Variants in TDRD5 observed in about 807,000 individuals in gnomAD.
The protein encoded by TDRD5 is tudor domain-containing protein 5.
Under a neutral mutation model 120.6 loss-of-function variants are expected in TDRD5, and 41 were observed. The ratio of observed to expected loss-of-function variants is 0.34; its 90% CI spans 0.26 to 0.44. The LOEUF is 0.44. Among genes scored for constraint, TDRD5 ranks in the 20% least tolerant of loss-of-function variants. TDRD5 has a pLI of 1.00. For missense variants in TDRD5, 1,006 were observed against 1,221.2 expected (o/e 0.82, Z 2.63); for synonymous variants, 430 against 433.7 (o/e 0.99, Z 0.11).
chr1:179,676,169 A>G (rs1407595714), intron 17 of TDRD5, among the ~76,000 whole-genome samples: 3 of 151,526 alleles, frequency 2.0e-5, no homozygotes, highest in Admixed American at 1.3e-4. Flanking sequence ...AAGAATAGCT[A>G]CTCCTGCTAG....
At chr1:179,630,576 C>T (rs1384874154) in intron 6 of TDRD5, among the ~76,000 whole-genome samples, 191 bp from the exon 7 acceptor site, 1 of 151,902 alleles carries the variant, frequency 6.6e-6, no homozygotes, top group Non-Finnish European at 1.5e-5. Flanking sequence ...TGACATTGAC[C>T]CAGAAGTTTT....
At chr1:179,688,709 C>G (rs1241630773) in intron 17 of TDRD5, among the ~76,000 whole-genome samples, 6 of 152,202 alleles carry the variant, frequency 3.9e-5, no homozygotes, top group African/African-American at 1.4e-4. Context: ...GGTCTTTTCA[C>G]ATAGTCCCAT....
intron 17 of TDRD5, among the ~76,000 whole-genome samples, chr1:179,689,836 G>A (rs921667816): frequency 1.4e-4 from 22 of 152,188 alleles, no homozygotes; most frequent in Non-Finnish European, 2.4e-4. Flanking sequence ...CTCCGTGGGC[G>A]TGGGACCCTC....
intron 6 of TDRD5, 141 bp downstream of exon 6, chr1:179,621,232 T>A: frequency 1.6e-6 from 1 of 610,980 alleles, no homozygotes; most frequent in East Asian, 3.1e-5. Context: ...TAGTATATTA[T>A]AAGACTTGAG....
chr1:179,672,517 G>A (rs1460323175), intron 17 of TDRD5, among the ~76,000 whole-genome samples: 2 of 152,126 alleles, frequency 1.3e-5, no homozygotes, highest in Non-Finnish European at 1.5e-5. Context: ...TGTATAGATT[G>A]TGAAGATTTT....
intron 13 of TDRD5, among the ~76,000 whole-genome samples, chr1:179,653,892 G>A (rs1207932555): frequency 6.6e-6 from 1 of 152,128 alleles, no homozygotes; most frequent in East Asian, 1.9e-4. Context: ...TATGATGGTT[G>A]TACTTGGAAG....
chr1:179,627,402 A>T (rs1441019931), intron 6 of TDRD5, among the ~76,000 whole-genome samples: 1 of 152,224 alleles, frequency 6.6e-6, no homozygotes, highest in Non-Finnish European at 1.5e-5. Context: ...ATGTAGACAA[A>T]GTACAGTTAC....
At chr1:179,610,127 C>G (rs1399735599) in intron 4 of TDRD5, among the ~76,000 whole-genome samples, 3 of 152,088 alleles carry the variant, frequency 2.0e-5, no homozygotes, top group Non-Finnish European at 2.9e-5. Flanking sequence ...TCCCAATTTT[C>G]TAGTTATTTA....
At chr1:179,686,385 G>A (rs1328705890) in intron 17 of TDRD5, among the ~76,000 whole-genome samples, 1 of 152,188 alleles carries the variant, frequency 6.6e-6, no homozygotes, top group African/African-American at 2.4e-5. Flanking sequence ...GCATTCCAGG[G>A]ATGAAGCCCA....
intron 11 of TDRD5, among the ~76,000 whole-genome samples, chr1:179,643,225 G>T (rs1400481351): frequency 6.6e-6 from 1 of 152,072 alleles, no homozygotes; most frequent in Non-Finnish European, 1.5e-5. Context: ...AGTTTTAACT[G>T]CCAGTTAAAA....
chr1:179,629,507 A>T (rs1384376220), intron 6 of TDRD5, among the ~76,000 whole-genome samples: 1 of 152,220 alleles, frequency 6.6e-6, no homozygotes, highest in Non-Finnish European at 1.5e-5. Context: ...ACAACAAAAA[A>T]GTCTCTTTAG....
intron 17 of TDRD5, among the ~76,000 whole-genome samples, chr1:179,672,133 C>G (rs1466303068): frequency 1.4e-5 from 2 of 146,594 alleles, no homozygotes; most frequent in African/African-American, 2.4e-5. Flanking sequence ...AGGTAGATAC[C>G]TAGTAGTGGG....
chr1:179,672,147 G>A (rs1201427586), intron 17 of TDRD5, among the ~76,000 whole-genome samples: 1 of 152,080 alleles, frequency 6.6e-6, no homozygotes, highest in East Asian at 1.9e-4. Context: ...TAGTGGGATT[G>A]CTGGATCAAA....
intron 17 of TDRD5, among the ~76,000 whole-genome samples, chr1:179,684,035 A>G (rs951179889): frequency 2.0e-5 from 3 of 151,814 alleles, no homozygotes; most frequent in Non-Finnish European, 2.9e-5. Flanking sequence ...AAAACTAATT[A>G]CTTCAGCTTT....
rs534987061 is a variant in TDRD5, at chr1:179,646,186, A to G, written c.1801-4681A>G. Among the ~76,000 whole-genome samples the G allele has an allele frequency of 9.8e-5, 15 of 152,354 alleles. 1 individual carries two copies. The East Asian group carries it at 2.9e-3, about 29-fold the overall frequency. On this transcript the variant is annotated intron_variant, in intron 11 of 17. Transcript: ENST00000444136. ...GATCTTTAAAATAATTCACTAAGAA[A>G]TACACTATTATTTTAATGATTACTC...
At chr1:179,682,943 T>G (rs1298010610) in intron 17 of TDRD5, among the ~76,000 whole-genome samples, 1 of 152,206 alleles carries the variant, frequency 6.6e-6, no homozygotes, top group African/African-American at 2.4e-5. Flanking sequence ...CTTGGTAGTT[T>G]GCTGACACAC....
At chr1:179,647,289 T>G (rs1678433877) in intron 11 of TDRD5, among the ~76,000 whole-genome samples, 2 of 131,732 alleles carry the variant, frequency 1.5e-5, no homozygotes, top group African/African-American at 5.5e-5. Context: ...CCCTCAGAAA[T>G]AATGCCGCAT....
At chr1:179,607,198 G>A (rs1156816740) in intron 4 of TDRD5, among the ~76,000 whole-genome samples, 2 of 152,016 alleles carry the variant, frequency 1.3e-5, no homozygotes, top group Non-Finnish European at 2.9e-5. Context: ...GAGTGCTAAT[G>A]TAAATAGTAT....
At chr1:179,680,308 A>G (rs925619033) in intron 17 of TDRD5, among the ~76,000 whole-genome samples, 6 of 152,232 alleles carry the variant, frequency 3.9e-5, no homozygotes, top group Admixed American at 2.6e-4. Flanking sequence ...TATCAAGTCA[A>G]GGTGATGAAT....
Sources: gnomAD v4.1 joint callset for allele counts (sites outside exome capture counted in the v4.1 genomes callset) on GRCh38, gnomAD v4.1.1 for gene constraint, MANE v1.5 for transcripts, NCBI Gene and HGNC (gene_info 2026-07-23, HGNC 2026-07-21) for gene names.